Variants in RBFOX1 observed in about 807,000 individuals in gnomAD.
RBFOX1 encodes RNA binding protein fox-1 homolog 1.
In RBFOX1, 8 loss-of-function variants were observed where a neutral mutation model predicts 57.7. That is an observed-to-expected ratio of 0.14 (90% CI 0.08 to 0.25). The LOEUF is 0.25. Ranked by LOEUF, RBFOX1 falls within the 10% of genes least tolerant of loss-of-function variation. The probability of loss-of-function intolerance (pLI) is 1.00; values close to 1 mark genes in which losing one functional copy is unlikely to be tolerated. For missense variants in RBFOX1, 611 were observed against 548.5 expected, an observed-to-expected ratio of 1.11 and a Z score of -1.14; for synonymous variants, 326 against 222.4, an observed-to-expected ratio of 1.47 and a Z score of -4.15.
At chr16:5,705,099 G>A (rs182330264) in intron 3 of RBFOX1, among the ~76,000 whole-genome samples, 16 of 152,194 alleles carry the variant, frequency 1.1e-4, no homozygotes, top group East Asian at 7.7e-4. Flanking sequence ...AGGAGTAGGC[G>A]AAATTATTAT....
intron 3 of RBFOX1, among the ~76,000 whole-genome samples, chr16:5,667,015 G>A (rs375650092): frequency 1.5e-4 from 23 of 152,240 alleles, no homozygotes; most frequent in African/African-American, 5.1e-4. Flanking sequence ...GGCTGCTTCC[G>A]GAGTCCTCAA....
At chr16:7,328,660 G>C (rs2096645262) in intron 4 of RBFOX1, 1 of 149,430 alleles carries the variant, frequency 6.7e-6, no homozygotes, top group Non-Finnish European at 1.5e-5. Context: ...GGAGGGATGA[G>C]ATTGAACTAT....
chr16:7,693,224 C>T, intron 14 of RBFOX1: 1 of 1,028,272 alleles, frequency 9.7e-7, no homozygotes, highest in South Asian at 1.3e-5. Flanking sequence ...CAGCACCCTT[C>T]CCTCCCCTCA....
chr16:6,999,213 T>TTTATTTTA (rs1568300044), intron 3 of RBFOX1, among the ~76,000 whole-genome samples: 5 of 71,434 alleles, frequency 7.0e-5, no homozygotes, highest in Non-Finnish European at 1.5e-4. Flanking sequence ...TTTATTTTTA[T>TTTATTTTA]TTATTTTTTT....
intron 1 of RBFOX1, among the ~76,000 whole-genome samples, chr16:6,024,624 G>C (rs892642061): frequency 9.9e-5 from 15 of 152,176 alleles, no homozygotes; most frequent in African/African-American, 3.6e-4. Context: ...GAGTAGCTGG[G>C]ATTACAGGTG....
At chr16:7,484,711 G>A (rs370896331) in intron 4 of RBFOX1, among the ~76,000 whole-genome samples, 6 of 152,286 alleles carry the variant, frequency 3.9e-5, no homozygotes, top group South Asian at 4.1e-4. Context: ...TGATCCGCTC[G>A]CTTCAGCCTC....
At chr16:6,914,316 G>C (rs954317426) in intron 3 of RBFOX1, among the ~76,000 whole-genome samples, 3 of 152,180 alleles carry the variant, frequency 2.0e-5, no homozygotes, top group African/African-American at 4.8e-5. Flanking sequence ...GGACCTTAGT[G>C]ATATATCTAG....
intron 1 of RBFOX1, among the ~76,000 whole-genome samples, chr16:5,388,422 C>A (rs1567432622): frequency 1.3e-5 from 2 of 152,154 alleles, no homozygotes; most frequent in Non-Finnish European, 2.9e-5. Context: ...GTCAAGGATG[C>A]TGTGTAGGTT....
At chr16:6,543,311 T>C (rs1404912811) in intron 2 of RBFOX1, among the ~76,000 whole-genome samples, 1 of 152,116 alleles carries the variant, frequency 6.6e-6, no homozygotes, top group Non-Finnish European at 1.5e-5. Context: ...TCCTTGAGAC[T>C]CTTTACTGCT....
At chr16:7,086,536 TA>T (rs2060004025) in intron 4 of RBFOX1, among the ~76,000 whole-genome samples, 1 of 152,102 alleles carries the variant, frequency 6.6e-6, no homozygotes, top group Admixed American at 6.5e-5. Flanking sequence ...TAAAATGGAT[TA>T]AAAAGAAAAA....
rs536832936 is a variant in RBFOX1 at position 7,569,589 on chromosome 16, A to T, written c.271-10188A>T. On this transcript the variant is annotated intron_variant, in intron 5 of 15. Transcript: ENST00000550418. ...ATGTGATTAGCAACCTTAATTCTCC[A>T]TTGCCATGTAAAGTATCCTATTCAA... Among the ~76,000 whole-genome samples, 5 of 152,304 alleles carry T rather than the reference A, an allele frequency of 3.3e-5. No individual in the cohort carries two copies. In the East Asian group the frequency reaches 7.7e-4, roughly 24 times the overall value.
chr16:5,491,302 C>T (rs1014463793), intron 2 of RBFOX1, among the ~76,000 whole-genome samples: 4 of 152,158 alleles, frequency 2.6e-5, no homozygotes, highest in East Asian at 1.9e-4. Flanking sequence ...CCTAGCGACT[C>T]GGCAGCCACC....
intron 4 of RBFOX1, among the ~76,000 whole-genome samples, chr16:7,091,719 C>G (rs907839499): frequency 6.6e-6 from 1 of 152,164 alleles, no homozygotes; most frequent in Non-Finnish European, 1.5e-5. Flanking sequence ...ATCCTCAGTA[C>G]TGGGGGAGCC....
chr16:7,668,511 GC>G (rs1479165319), intron 13 of RBFOX1, among the ~76,000 whole-genome samples: 5 of 152,126 alleles, frequency 3.3e-5, no homozygotes, highest in Admixed American at 3.3e-4. Flanking sequence ...CAGGAGCTGA[GC>G]CCTGCAGGAA....
intron 3 of RBFOX1, among the ~76,000 whole-genome samples, chr16:5,860,464 A>G (rs1222652308): frequency 1.3e-5 from 2 of 152,178 alleles, no homozygotes; most frequent in African/African-American, 4.8e-5. Context: ...TCAAGAAAAG[A>G]GTTGACTCAG....
intron 14 of RBFOX1, among the ~76,000 whole-genome samples, chr16:7,699,336 C>T (rs1050067789): frequency 1.3e-5 from 2 of 152,174 alleles, no homozygotes; most frequent in African/African-American, 4.8e-5. Flanking sequence ...GGAGTACAGG[C>T]AGGTGCTACC....
chr16:7,103,242 T>A (rs1314285211), intron 4 of RBFOX1, among the ~76,000 whole-genome samples: 1 of 152,182 alleles, frequency 6.6e-6, no homozygotes, highest in African/African-American at 2.4e-5. Context: ...TGCATTTGTA[T>A]CAACTTTGAT....
At chr16:6,104,537 G>C (rs74004738) in intron 1 of RBFOX1, among the ~76,000 whole-genome samples, 2 of 152,056 alleles carry the variant, frequency 1.3e-5, no homozygotes, top group Non-Finnish European at 2.9e-5. Context: ...TCCTTAAAGA[G>C]AGCTCGCCTC....
At chr16:7,588,597 A>T (rs1208051144) in intron 7 of RBFOX1, among the ~76,000 whole-genome samples, 2 of 152,110 alleles carry the variant, frequency 1.3e-5, no homozygotes, top group Admixed American at 1.3e-4. Flanking sequence ...TATGAATGCA[A>T]ATGTTGAGAG....
Sources: gnomAD v4.1 joint callset for allele counts (sites outside exome capture counted in the v4.1 genomes callset) on GRCh38, gnomAD v4.1.1 for gene constraint, MANE v1.5 for transcripts, NCBI Gene and HGNC (gene_info 2026-07-23, HGNC 2026-07-21) for gene names.